WDPCP: variants seen among roughly 807,000 people sequenced by gnomAD.
WDPCP encodes the protein WD repeat containing planar cell polarity effector.
Under a neutral mutation model 93.1 loss-of-function variants are expected in WDPCP, and 71 were observed. The observed-to-expected ratio is 0.76, with a 90% CI of 0.63 to 0.93. The LOEUF is 0.93. WDPCP is among the 40% of genes least tolerant of loss of function. WDPCP has a pLI of 0.00. For missense variants in WDPCP, 844 were observed against 887.4 expected (o/e 0.95, Z 0.62); for synonymous variants, 315 against 315.0 (o/e 1.00, Z 0.00).
chr2:63,343,081 T>C (rs1223098269), intron 12 of WDPCP, among the ~76,000 whole-genome samples: 2 of 152,186 alleles, frequency 1.3e-5, no homozygotes, highest in Non-Finnish European at 2.9e-5. Flanking sequence ...CTCAGCTCAC[T>C]GCACCCTCTG....
At chr2:63,253,829 G>A (rs13028634) in intron 14 of WDPCP, among the ~76,000 whole-genome samples, 13,837 of 152,178 alleles carry the variant, frequency 0.091, 789 homozygotes, top group South Asian at 0.16. Flanking sequence ...ACAGTCTGGA[G>A]ATTTCTCAAA....
At chr2:63,567,723 G>A (rs1707179540) in intron 1 of WDPCP, among the ~76,000 whole-genome samples, 1 of 152,010 alleles carries the variant, frequency 6.6e-6, no homozygotes, top group African/African-American at 2.4e-5. Flanking sequence ...ACTAATAACA[G>A]TTTGAAATTC....
chr2:63,585,113 T>C (rs1708749431), intron 1 of WDPCP, among the ~76,000 whole-genome samples: 1 of 152,208 alleles, frequency 6.6e-6, no homozygotes, highest in African/African-American at 2.4e-5. Flanking sequence ...TGTGTACAAA[T>C]TGTGTATGTA....
At chr2:63,731,475 A>G (rs1669561066) in intron 2 of WDPCP, among the ~76,000 whole-genome samples, 1 of 152,182 alleles carries the variant, frequency 6.6e-6, no homozygotes. Context: ...ACTCCCAAGA[A>G]ATTTTCATCA....
At chr2:63,123,973 G>A (rs976739524) in intron 17 of WDPCP, among the ~76,000 whole-genome samples, 9 of 149,632 alleles carry the variant, frequency 6.0e-5, no homozygotes, top group African/African-American at 2.2e-4. Flanking sequence ...GTTTTTAATG[G>A]CTGAATTTTA....
chr2:63,318,687 CTCTCTTA>C (rs1389088832), intron 12 of WDPCP, among the ~76,000 whole-genome samples: 1 of 152,156 alleles, frequency 6.6e-6, no homozygotes, highest in African/African-American at 2.4e-5. Context: ...ACCCCATGTT[CTCTCTTA>C]TAAGTGGGAA....
intron 2 of WDPCP, among the ~76,000 whole-genome samples, chr2:63,784,692 TACTC>T (rs1357404934): frequency 6.6e-6 from 1 of 151,992 alleles, no homozygotes; most frequent in Admixed American, 6.6e-5. Flanking sequence ...TAGGCCCAAT[TACTC>T]AATACAAATT....
At chr2:63,734,558 A>C (rs1179038475) in intron 2 of WDPCP, among the ~76,000 whole-genome samples, 1 of 152,196 alleles carries the variant, frequency 6.6e-6, no homozygotes, top group Non-Finnish European at 1.5e-5. Flanking sequence ...TACCTCGAGT[A>C]AATCTTCACT....
Position 63,426,013 on chromosome 2 carries a change from G to T in WDPCP, c.825+7732C>A, listed in dbSNP as rs571505576. ...TCACTTACAAAGGGAACTACGTCAG[G>T]CTAGCAACAGACCTCTCAGCAGAAA... On this transcript the variant is annotated intron_variant, in intron 9 of 17. Transcript: ENST00000272321. Among the ~76,000 whole-genome samples the T allele has an allele frequency of 4.6e-5, 7 of 152,268 alleles. No individual in the cohort carries two copies. The South Asian group carries it at 1.5e-3, about 32-fold the overall frequency.
intron 2 of WDPCP, among the ~76,000 whole-genome samples, chr2:63,658,199 T>A (rs1167550625): frequency 6.6e-6 from 1 of 152,208 alleles, no homozygotes; most frequent in South Asian, 2.1e-4. Flanking sequence ...TTAAGAAAAG[T>A]TCCAATGTGT....
chr2:63,832,236 C>G (rs1671214236), upstream of WDPCP, among the ~76,000 whole-genome samples: 1 of 152,190 alleles, frequency 6.6e-6, no homozygotes, highest in Non-Finnish European at 1.5e-5. Context: ...ACTGGAAAAA[C>G]TCATCTCTAC....
chr2:63,662,203 G>A (rs546994861), intron 2 of WDPCP, among the ~76,000 whole-genome samples: 1 of 152,144 alleles, frequency 6.6e-6, no homozygotes, highest in African/African-American at 2.4e-5. Context: ...GTGGTAAATA[G>A]CTGGATTTGA....
intron 1 of WDPCP, among the ~76,000 whole-genome samples, chr2:63,539,682 T>C (rs1441304011): frequency 1.3e-5 from 2 of 152,068 alleles, no homozygotes; most frequent in Non-Finnish European, 2.9e-5. Context: ...CAAGACTCTG[T>C]CTCAAAAAAA....
At chr2:63,517,769 T>G (rs1274856147) in intron 1 of WDPCP, 2 of 152,226 alleles carry the variant, frequency 1.3e-5, no homozygotes, top group East Asian at 3.8e-4. Context: ...AATCTGTAAA[T>G]GTTTCTTTGT....
At chr2:63,839,807 G>A in the WDPCP span, among the ~76,000 whole-genome samples, 3 of 152,188 alleles carry the variant, frequency 2.0e-5, no homozygotes, top group African/African-American at 7.2e-5. Flanking sequence ...CTGGATTTTA[G>A]ACACTTGTTT....
intron 13 of WDPCP, among the ~76,000 whole-genome samples, chr2:63,303,079 G>A (rs1429551473): frequency 2.0e-5 from 3 of 152,210 alleles, no homozygotes; most frequent in African/African-American, 4.8e-5. Context: ...AAAGGCACAT[G>A]TATATGTCCG....
intron 2 of WDPCP, among the ~76,000 whole-genome samples, chr2:63,762,149 A>G (rs1453065365): frequency 1.3e-5 from 2 of 152,204 alleles, no homozygotes; most frequent in African/African-American, 4.8e-5. Context: ...AATAGCCTCA[A>G]ACCAAACCAC....
At chr2:63,546,784 G>C (rs1028838027) in intron 1 of WDPCP, among the ~76,000 whole-genome samples, 2 of 151,830 alleles carry the variant, frequency 1.3e-5, no homozygotes, top group African/African-American at 4.8e-5. Flanking sequence ...ACCAGTAAAG[G>C]TATTAGAAAG....
chr2:63,666,603 C>T (rs896851860), intron 2 of WDPCP, among the ~76,000 whole-genome samples: 9 of 152,196 alleles, frequency 5.9e-5, no homozygotes, highest in Non-Finnish European at 4.4e-5. Context: ...CAGTTTAGTC[C>T]TGTGTGCTAA....
Sources: allele counts gnomAD v4.1 joint callset (sites outside exome capture counted in the v4.1 genomes callset), GRCh38; gene constraint gnomAD v4.1.1; transcripts MANE v1.5; gene names NCBI Gene and HGNC (gene_info 2026-07-23, HGNC 2026-07-21).